The following GRAMD1A variants were observed in gnomAD, a reference collection of about 807,000 sequenced individuals.
GRAMD1A encodes the protein GRAM domain containing 1A.
Under a neutral mutation model 92.0 loss-of-function variants are expected in GRAMD1A, and 50 were observed. The observed-to-expected ratio is 0.54, with a 90% CI of 0.43 to 0.69. GRAMD1A has a LOEUF of 0.69. GRAMD1A is among the 30% of genes least tolerant of loss of function. The pLI, the probability that GRAMD1A is intolerant of heterozygous loss-of-function variation, is 0.00. For missense variants in GRAMD1A, 819 were observed against 978.9 expected (o/e 0.84, Z 2.18); for synonymous variants, 405 against 403.6 (o/e 1.00, Z -0.04).
In GRAMD1A at chr19:35,024,187, C is replaced by A. The variant is rs76977610; in HGVS notation, c.2082+640C>A. On this transcript the variant is annotated intron_variant, in intron 19 of 19. Transcript: ENST00000317991. ...GTGCAAGTGATTTTGCCATGGTGGC[C>A]GTGGACTCCTCTGTGCACAGGATAA... Among the ~76,000 whole-genome samples the A allele has an allele frequency of 7.4e-4, 112 of 152,272 alleles. No homozygotes were observed. The East Asian group carries it at 0.019, about 26-fold the overall frequency.
At chr19:34,997,751 C>G (rs1006049789), upstream of GRAMD1A, among the ~76,000 whole-genome samples, 3 of 152,054 alleles carry the variant, frequency 2.0e-5, no homozygotes, top group Non-Finnish European at 4.4e-5. Flanking sequence ...GTGGATGCCT[C>G]CTGATGTAGA....
chr19:34,997,802 C>T (rs1230529022), upstream of GRAMD1A, among the ~76,000 whole-genome samples: 1 of 152,096 alleles, frequency 6.6e-6, no homozygotes, highest in East Asian at 1.9e-4. Flanking sequence ...CGTGCTGGCT[C>T]ATGCCTGTAA....
At chr19:35,022,989 C>T (rs1027459641) in intron 17 of GRAMD1A, 78 bp downstream of exon 17, 2 of 1,137,220 alleles carry the variant, frequency 1.8e-6, no homozygotes, top group South Asian at 1.4e-5. Context: ...CCACCCCATG[C>T]CCCCCAGCTC....
In GRAMD1A at chr19:35,026,061, C is replaced by T; in HGVS notation, c.2095C>T (p.Leu699=). ...VELLDEMKFS[L]EKLHQGITVS... ...CTCCTCCCCGCAGATGAAGTTCTCG[C>T]TGGAGAAGCTGCACCAAGGCATCAC... Residue 699 remains leucine (L), a synonymous_variant, in exon 20 of 20, where the codon CTG becomes TTG. Transcript: ENST00000317991. 6.3e-7 allele frequency: 1 copy of T among 1,593,248 alleles called. No homozygotes were observed. The highest frequency in any genetic ancestry group is 8.6e-7 in the Non-Finnish European group (1 of 1,161,128).
intron 13 of GRAMD1A, among the ~76,000 whole-genome samples, chr19:35,020,653 T>G: frequency 8.1e-6 from 1 of 123,472 alleles, no homozygotes; most frequent in Admixed American, 8.4e-5. Flanking sequence ...AGCAAGACCC[T>G]GTCTCAAAAA....
intron 10 of GRAMD1A, chr19:35,015,306 T>G (rs1197547668): frequency 6.5e-6 from 1 of 153,056 alleles, no homozygotes; most frequent in African/African-American, 2.4e-5. Flanking sequence ...TCAGCTAGCC[T>G]CTATTCTTGT....
rs1449820120 is a variant in GRAMD1A at position 35,000,681 on chromosome 19, G to A, written c.8+195G>A. Among the ~76,000 whole-genome samples, 1 of 151,986 alleles carries A rather than the reference G, an allele frequency of 6.6e-6. No homozygotes were observed. The highest frequency in any genetic ancestry group is 1.5e-5 in the Non-Finnish European group (1 of 67,930). On this transcript the variant is annotated intron_variant, in intron 1 of 19. Coordinates refer to ENST00000317991, the MANE Select transcript of GRAMD1A (RefSeq NM_020895.5). This position sits in a 1 kb window ranked among gnomAD's most constrained non-coding sequence, Gnocchi z 4.9. ...CGGGCGAGGGGTGCAGCTGGGGAGT[G>A]GGGCGCGGACGCAGGGCAGGGCCCG...
At chr19:35,025,288 C>T (rs1376859457) in intron 19 of GRAMD1A, 1 of 152,188 alleles carries the variant, frequency 6.6e-6, no homozygotes, top group Non-Finnish European at 1.5e-5. Flanking sequence ...TTGAGACAGT[C>T]TCGATCTGTC....
rs760255619 is a variant in GRAMD1A, at chr19:35,019,574, C to A, written c.1475+41C>A. 3.8e-6 allele frequency: 6 copies of A among 1,595,316 alleles called. No homozygotes were observed. In the East Asian group the frequency reaches 8.9e-5, roughly 24 times the overall value. On this transcript the variant is annotated intron_variant, in intron 13 of 19. Coordinates refer to ENST00000317991, the MANE Select transcript of GRAMD1A (RefSeq NM_020895.5). The stretch of plus-strand genomic sequence containing the variant: ...GCCCCTCCACCCGATGCCCTGGTGG[C>A]CCCAGGGCCTCCTGTCCACTCCTCA...
intron 7 of GRAMD1A, chr19:35,012,968 C>A: frequency 2.8e-6 from 1 of 362,676 alleles, no homozygotes; most frequent in East Asian, 4.9e-5. Flanking sequence ...GAGCCAGACT[C>A]CATCTCCAAA....
At chr19:35,024,912 T>A (rs182343755) in intron 19 of GRAMD1A, 1 of 152,192 alleles carries the variant, frequency 6.6e-6, no homozygotes, top group Admixed American at 6.5e-5. Flanking sequence ...CTCAGCATCC[T>A]GAGTAGCTGG....
At chr19:35,023,907 C>T (rs73038399) in intron 19 of GRAMD1A, 28,257 of 182,462 alleles carry the variant, frequency 0.15, 2,256 homozygotes, top group Middle Eastern at 0.19. Flanking sequence ...CAGGGGACCA[C>T]GGAGCTTACT....
intron 10 of GRAMD1A, 82 bp downstream of exon 10, chr19:35,014,469 C>G: frequency 8.2e-7 from 1 of 1,222,202 alleles, no homozygotes; most frequent in Non-Finnish European, 1.2e-6. Flanking sequence ...TGGATTCGCC[C>G]GCAGCACTGA....
chr19:35,012,026 C>G (rs2015279642), intron 7 of GRAMD1A, among the ~76,000 whole-genome samples: 1 of 152,198 alleles, frequency 6.6e-6, no homozygotes, highest in Admixed American at 6.5e-5. Context: ...CAGTCAGGCC[C>G]TAAGGAGGAC....
chr19:35,019,610 A>G, intron 13 of GRAMD1A, 77 bp downstream of exon 13: 1 of 1,411,506 alleles, frequency 7.1e-7, no homozygotes, highest in Non-Finnish European at 1.0e-6. Flanking sequence ...AGTCAGCAGC[A>G]GAGCCTTGGT....
chr19:34,996,358 G>A (rs1383338526), upstream of GRAMD1A: 9 of 1,322,628 alleles, frequency 6.8e-6, no homozygotes, highest in African/African-American at 8.8e-5. Flanking sequence ...TCTGTCAAGG[G>A]TGGGTTCCTT....
chr19:35,010,636 C>T, intron 6 of GRAMD1A: 1 of 589,846 alleles, frequency 1.7e-6, no homozygotes, highest in Non-Finnish European at 3.0e-6. Context: ...GTATGTGGCA[C>T]CTCAGCCGCC....
chr19:34,997,287 T>C (rs1018741853), upstream of GRAMD1A, among the ~76,000 whole-genome samples: 1 of 150,182 alleles, frequency 6.7e-6, no homozygotes, highest in Non-Finnish European at 1.5e-5. Context: ...TGAGGGTAAG[T>C]GTGGTTTCTT....
At chr19:34,995,848 G>A (rs1419836985), upstream of GRAMD1A, 1 of 599,126 alleles carries the variant, frequency 1.7e-6, no homozygotes, top group African/African-American at 1.9e-5. Context: ...CTCCCAGAGA[G>A]CTGGGATTAC....
Sources: gnomAD v4.1 joint callset for allele counts (sites outside exome capture counted in the v4.1 genomes callset) on GRCh38, gnomAD v4.1.1 for gene constraint, Gnocchi (gnomAD v3.1) non-coding constraint, MANE v1.5 for transcripts, NCBI Gene and HGNC (gene_info 2026-07-23, HGNC 2026-07-21) for gene names.